The following CMSS1 variants were observed in gnomAD, a reference collection of about 807,000 sequenced individuals.
The protein encoded by CMSS1 is cms1 ribosomal small subunit homolog.
In CMSS1, 33 loss-of-function variants were observed where a neutral mutation model predicts 43.5. The observed-to-expected ratio is 0.76, with a 90% CI of 0.57 to 1.01. The LOEUF is 1.01. Among genes scored for constraint, CMSS1 ranks in the 50% least tolerant of loss-of-function variants. The pLI is 0.00. For synonymous variants in CMSS1, 115 were observed against 117.2 expected (o/e 0.98, Z 0.12); for missense variants, 313 against 326.4 (o/e 0.96, Z 0.32).
intron 1 of CMSS1, among the ~76,000 whole-genome samples, chr3:99,939,182 C>G (rs769936662): frequency 3.3e-5 from 5 of 152,186 alleles, no homozygotes; most frequent in Non-Finnish European, 5.9e-5. Flanking sequence ...GTGCAGTAGT[C>G]TCTCATCCAT....
intron 1 of CMSS1, among the ~76,000 whole-genome samples, chr3:99,913,230 G>A (rs1048733240): frequency 5.9e-5 from 9 of 152,172 alleles, no homozygotes; most frequent in African/African-American, 2.2e-4. Context: ...TGTCATCACA[G>A]CCCCAGCGGA....
intron 1 of CMSS1, among the ~76,000 whole-genome samples, chr3:100,021,679 AT>A (rs1474944642): frequency 6.6e-6 from 1 of 152,188 alleles, no homozygotes; most frequent in African/African-American, 2.4e-5. Flanking sequence ...GGTTGCTTAT[AT>A]TTTTAAAATC....
intron 1 of CMSS1, chr3:100,114,820 T>C (rs2066543461): frequency 6.6e-6 from 4 of 608,484 alleles, no homozygotes; most frequent in Non-Finnish European, 1.1e-5. Flanking sequence ...GTTTGTGATT[T>C]AAGTAACAAG....
chr3:99,856,895 G>A (rs1350195506), intron 1 of CMSS1, among the ~76,000 whole-genome samples: 1 of 152,118 alleles, frequency 6.6e-6, no homozygotes, highest in Admixed American at 6.5e-5. Flanking sequence ...ATATCTAAAT[G>A]CTATAATACC....
At chr3:99,841,178 T>C (rs960918460) in intron 1 of CMSS1, among the ~76,000 whole-genome samples, 1 of 152,236 alleles carries the variant, frequency 6.6e-6, no homozygotes, top group African/African-American at 2.4e-5. Context: ...AGACACAAGT[T>C]TGGTTGCATA....
chr3:99,832,898 A>G (rs1478213191), intron 1 of CMSS1, among the ~76,000 whole-genome samples: 1 of 147,496 alleles, frequency 6.8e-6, no homozygotes, highest in Non-Finnish European at 1.5e-5. Flanking sequence ...ATCCTTGGAC[A>G]TGTTTCAGTA....
intron 1 of CMSS1, among the ~76,000 whole-genome samples, chr3:99,962,957 CAT>C (rs1221790273): frequency 6.6e-6 from 1 of 152,220 alleles, no homozygotes; most frequent in Non-Finnish European, 1.5e-5. Context: ...CCATATTTCA[CAT>C]GTTACTCACA....
intron 1 of CMSS1, among the ~76,000 whole-genome samples, chr3:99,908,037 G>A (rs947946929): frequency 3.9e-5 from 6 of 152,232 alleles, no homozygotes; most frequent in African/African-American, 1.2e-4. Flanking sequence ...ATCTGGTCAT[G>A]CAATGAGCAT....
At chr3:100,015,236 T>C (rs972927936) in intron 1 of CMSS1, among the ~76,000 whole-genome samples, 2 of 152,182 alleles carry the variant, frequency 1.3e-5, no homozygotes, top group Non-Finnish European at 2.9e-5. Flanking sequence ...CTCTCTGTTA[T>C]GTTCCCTTGG....
chr3:100,126,466 C>T (rs1378136531), intron 1 of CMSS1, among the ~76,000 whole-genome samples: 2 of 152,182 alleles, frequency 1.3e-5, no homozygotes, highest in African/African-American at 2.4e-5. Context: ...TCCTTTTTCA[C>T]ATGGGTTCCT....
At chr3:100,058,492 T>C (rs1326499026) in intron 1 of CMSS1, among the ~76,000 whole-genome samples, 2 of 152,182 alleles carry the variant, frequency 1.3e-5, no homozygotes, top group Admixed American at 6.5e-5. Context: ...ATTGATGACC[T>C]CCTCTCTGTC....
chr3:99,875,008 T>C (rs913081747), intron 1 of CMSS1, among the ~76,000 whole-genome samples: 2 of 152,210 alleles, frequency 1.3e-5, no homozygotes, highest in Non-Finnish European at 2.9e-5. Flanking sequence ...TATATACTTA[T>C]AAAACATAGA....
intron 1 of CMSS1, chr3:100,075,439 A>T (rs2065834872): frequency 2.0e-5 from 3 of 152,164 alleles, no homozygotes; most frequent in Admixed American, 6.5e-5. Flanking sequence ...GGTTAGGAAG[A>T]CCATAATTTG....
intron 1 of CMSS1, among the ~76,000 whole-genome samples, chr3:100,131,058 T>G (rs1021190605): frequency 1.3e-5 from 2 of 152,202 alleles, no homozygotes; most frequent in African/African-American, 2.4e-5. Flanking sequence ...TGATGACCAT[T>G]TTGTGAGAAT....
intron 2 of CMSS1, among the ~76,000 whole-genome samples, chr3:100,154,428 A>G (rs1036352597): frequency 2.0e-5 from 3 of 151,988 alleles, no homozygotes; most frequent in Non-Finnish European, 4.4e-5. Context: ...ATAATGTATC[A>G]TTTTGCACCC....
At chr3:100,008,201 T>C (rs1710042701) in intron 1 of CMSS1, among the ~76,000 whole-genome samples, 1 of 152,166 alleles carries the variant, frequency 6.6e-6, no homozygotes, top group Admixed American at 6.5e-5. Context: ...GGAAGGAGCC[T>C]TTCCATAACT....
At chr3:99,962,153 C>CTGAAGG (rs1708513074) in intron 1 of CMSS1, among the ~76,000 whole-genome samples, 1 of 152,080 alleles carries the variant, frequency 6.6e-6, no homozygotes, top group African/African-American at 2.4e-5. Flanking sequence ...GCTGGAAAGG[C>CTGAAGG]TGAAGGTGAG....
chr3:100,089,564 A>C (rs1168692686), intron 1 of CMSS1, among the ~76,000 whole-genome samples: 1 of 152,204 alleles, frequency 6.6e-6, no homozygotes, highest in Non-Finnish European at 1.5e-5. Flanking sequence ...AAGCAGAAAC[A>C]TTTCTAAAAC....
chr3:99,850,539 C>G (rs1417142023), intron 1 of CMSS1: 1 of 1,613,672 alleles, frequency 6.2e-7, no homozygotes, highest in Non-Finnish European at 8.5e-7. Context: ...CCATATCTAG[C>G]ACACGTTTCC....
Sources: allele counts gnomAD v4.1 joint callset (sites outside exome capture counted in the v4.1 genomes callset), GRCh38; gene constraint gnomAD v4.1.1; transcripts MANE v1.5; gene names NCBI Gene and HGNC (gene_info 2026-07-23, HGNC 2026-07-21).